The following TRHDE variants were observed in gnomAD, a reference collection of about 807,000 sequenced individuals.
The protein encoded by TRHDE is thyrotropin-releasing hormone-degrading ectoenzyme.
A neutral mutation model predicts 125.7 loss-of-function variants in TRHDE; 72 were observed. The observed-to-expected ratio is 0.57, with a 90% CI of 0.47 to 0.70. The LOEUF (loss-of-function observed/expected upper bound fraction) is 0.70. TRHDE is among the 30% of genes least tolerant of loss of function. TRHDE has a pLI of 0.00. For missense variants in TRHDE, 1,110 were observed against 1,327.1 expected, an observed-to-expected ratio of 0.84 and a Z score of 2.54; for synonymous variants, 509 against 509.1, an observed-to-expected ratio of 1.00 and a Z score of 0.00.
intron 3 of TRHDE, among the ~76,000 whole-genome samples, chr12:72,413,239 T>TG: frequency 6.6e-6 from 1 of 152,026 alleles, no homozygotes. Context: ...TTTCAGTCTG[T>TG]GTTTATTTTG....
At chr12:72,502,489 TATTTA>T (rs1878197875) in intron 6 of TRHDE, among the ~76,000 whole-genome samples, 1 of 152,160 alleles carries the variant, frequency 6.6e-6, no homozygotes, top group African/African-American at 2.4e-5. Flanking sequence ...ATTCATTTCT[TATTTA>T]ATTTTATTGT....
intron 2 of TRHDE, among the ~76,000 whole-genome samples, chr12:72,153,109 C>T (rs1876410466): frequency 6.6e-6 from 1 of 152,142 alleles, no homozygotes; most frequent in African/African-American, 2.4e-5. Context: ...TCAACTTCTT[C>T]CTGGTTTAGT....
At chr12:72,244,640 T>G (rs1003519871) in intron 2 of TRHDE, among the ~76,000 whole-genome samples, 26 of 152,080 alleles carry the variant, frequency 1.7e-4, no homozygotes, top group Non-Finnish European at 3.7e-4. Context: ...CCCCATAAAA[T>G]TTTTAAAAAT....
At chr12:72,568,739 A>T (rs1462591411) in intron 10 of TRHDE, 83 bp downstream of exon 10, 2 of 854,192 alleles carry the variant, frequency 2.3e-6, no homozygotes, top group Non-Finnish European at 3.7e-6. Context: ...AGCTGTTATA[A>T]AATGTGAATA....
chr12:72,308,684 A>T (rs1868400546), intron 2 of TRHDE, among the ~76,000 whole-genome samples: 1 of 152,188 alleles, frequency 6.6e-6, no homozygotes, highest in Admixed American at 6.5e-5. Flanking sequence ...TCATTTTTTA[A>T]AATAGAAGAT....
chr12:72,211,634 G>T (rs1245477005), intron 2 of TRHDE, among the ~76,000 whole-genome samples: 1 of 152,002 alleles, frequency 6.6e-6, no homozygotes, highest in Non-Finnish European at 1.5e-5. Flanking sequence ...ATTATGACAG[G>T]CCCCGGGGAC....
chr12:72,485,110 A>C (rs1322187836), intron 5 of TRHDE, among the ~76,000 whole-genome samples: 2 of 151,658 alleles, frequency 1.3e-5, no homozygotes, highest in East Asian at 3.9e-4. Context: ...GCTACTAGAG[A>C]CTCCTTCAGT....
intron 15 of TRHDE, among the ~76,000 whole-genome samples, chr12:72,630,610 T>A (rs900942748): frequency 1.4e-4 from 22 of 151,808 alleles, no homozygotes; most frequent in African/African-American, 5.1e-4. Flanking sequence ...GTAGTTTTGA[T>A]TTTTTTCCTT....
At chr12:72,459,990 A>T (rs982507754) in intron 3 of TRHDE, among the ~76,000 whole-genome samples, 4 of 152,188 alleles carry the variant, frequency 2.6e-5, no homozygotes, top group Non-Finnish European at 5.9e-5. Flanking sequence ...TCCAGCTGAT[A>T]CCTGCACATG....
intron 3 of TRHDE, among the ~76,000 whole-genome samples, chr12:72,406,820 C>T (rs1231955103): frequency 6.6e-6 from 1 of 152,148 alleles, no homozygotes; most frequent in African/African-American, 2.4e-5. Context: ...TAGCATTGCA[C>T]AGATTACTGC....
At chr12:72,353,562 G>A (rs1870680759) in intron 2 of TRHDE, among the ~76,000 whole-genome samples, 1 of 151,454 alleles carries the variant, frequency 6.6e-6, no homozygotes. Context: ...TACAAAGGAG[G>A]TAAAAGATTC....
intron 2 of TRHDE, among the ~76,000 whole-genome samples, chr12:72,373,395 C>G (rs554504619): frequency 6.6e-6 from 1 of 152,094 alleles, no homozygotes; most frequent in Non-Finnish European, 1.5e-5. Flanking sequence ...CTTCTCCTGC[C>G]TCATTGCCCT....
chr12:72,567,325 T>TTAAG (rs1870495564), intron 9 of TRHDE, among the ~76,000 whole-genome samples: 1 of 151,832 alleles, frequency 6.6e-6, no homozygotes, highest in African/African-American at 2.4e-5. Context: ...TTTTTTTTCA[T>TTAAG]TAAGTATAGG....
chr12:72,623,701 A>G (rs915478473), intron 15 of TRHDE, among the ~76,000 whole-genome samples: 2 of 152,066 alleles, frequency 1.3e-5, no homozygotes, highest in South Asian at 4.1e-4. Flanking sequence ...ATGAAGGATA[A>G]GTAAGATTTA....
At chr12:72,484,266 T>C (rs1877306139) in intron 5 of TRHDE, among the ~76,000 whole-genome samples, 1 of 152,158 alleles carries the variant, frequency 6.6e-6, no homozygotes, top group African/African-American at 2.4e-5. Flanking sequence ...TTTGATTTTG[T>C]TGAAATGTCC....
chr12:72,655,527 T>C (rs138881548), intron 17 of TRHDE, among the ~76,000 whole-genome samples: 134 of 152,258 alleles, frequency 8.8e-4, no homozygotes, highest in African/African-American at 3.1e-3. Context: ...TGCCATTTTC[T>C]CTCAGAAGCC....
intron 2 of TRHDE, among the ~76,000 whole-genome samples, chr12:72,351,743 C>T (rs1565709141): frequency 6.6e-6 from 1 of 151,918 alleles, no homozygotes; most frequent in Non-Finnish European, 1.5e-5. Flanking sequence ...TAAAGCCCAT[C>T]AATATCTTTC....
intron 2 of TRHDE, chr12:72,255,643 G>C (rs565748742): frequency 6.6e-6 from 1 of 152,134 alleles, no homozygotes. Flanking sequence ...GGGCTGTTCC[G>C]GGCAGTTCCT....
intron 5 of TRHDE, among the ~76,000 whole-genome samples, chr12:72,491,802 A>T (rs1207692363): frequency 6.6e-6 from 1 of 152,032 alleles, no homozygotes; most frequent in Non-Finnish European, 1.5e-5. Context: ...GAGATTTTGT[A>T]GCTTGGCATT....
Sources: gnomAD v4.1 joint callset for allele counts (sites outside exome capture counted in the v4.1 genomes callset) on GRCh38, gnomAD v4.1.1 for gene constraint, MANE v1.5 for transcripts, NCBI Gene and HGNC (gene_info 2026-07-23, HGNC 2026-07-21) for gene names.